The following MAPDA variants were observed in gnomAD, a reference collection of about 807,000 sequenced individuals.
MAPDA encodes the protein N6,N6-dimethyl-AMP deaminase.
the MAPDA span, chr15:43,340,189 G>A: frequency 4.0e-6 from 5 of 1,252,862 alleles, no homozygotes; most frequent in South Asian, 1.3e-5. Context: ...ATAAAATAAA[G>A]CTGTAGCACT....
At chr15:43,346,099 G>C in the MAPDA span, 3 of 1,364,900 alleles carry the variant, frequency 2.2e-6, no homozygotes, top group Non-Finnish European at 3.0e-6. Flanking sequence ...TCCATTCTGT[G>C]GATGAAGGCC....
chr15:43,352,952 T>G, the MAPDA span: 1 of 152,088 alleles, frequency 6.6e-6, no homozygotes, highest in East Asian at 1.9e-4. Context: ...AGCTCTCTTT[T>G]TTTTTTTTTT....
At chr15:43,345,467 G>A in the MAPDA span, among the ~76,000 whole-genome samples, 1 of 152,068 alleles carries the variant, frequency 6.6e-6, no homozygotes, top group African/African-American at 2.4e-5. Flanking sequence ...CAACAAATAA[G>A]TTACAAGAAA....
chr15:43,345,705 A>G, the MAPDA span: 6 of 897,386 alleles, frequency 6.7e-6, no homozygotes, highest in Non-Finnish European at 8.5e-6. Context: ...TGACAAAGTA[A>G]AATGTCATGT....
the MAPDA span, chr15:43,352,144 TG>T: frequency 2.2e-6 from 1 of 447,288 alleles, no homozygotes; most frequent in Non-Finnish European, 3.9e-6. Context: ...GCTTACTGGG[TG>T]GGACTTGACT....
the MAPDA span, among the ~76,000 whole-genome samples, chr15:43,333,009 T>A: frequency 2.0e-5 from 3 of 152,210 alleles, no homozygotes; most frequent in African/African-American, 7.2e-5. Context: ...AGTTGCTTTT[T>A]AATTTCCATA....
the MAPDA span, among the ~76,000 whole-genome samples, chr15:43,331,622 G>A: frequency 6.6e-6 from 1 of 152,156 alleles, no homozygotes; most frequent in Non-Finnish European, 1.5e-5. Flanking sequence ...GGAACAAAAT[G>A]AAATAAGAAA....
At chr15:43,346,186 GA>G in the MAPDA span, among the ~76,000 whole-genome samples, 1 of 150,170 alleles carries the variant, frequency 6.7e-6, no homozygotes. Context: ...TACCCTAAAA[GA>G]AAAAAAAAGA....
At chr15:43,332,187 C>T in the MAPDA span, 2 of 152,152 alleles carry the variant, frequency 1.3e-5, no homozygotes, top group African/African-American at 2.4e-5. Flanking sequence ...TCTGTTTTCT[C>T]TGTAAAGTTG....
the MAPDA span, chr15:43,349,272 C>A: frequency 8.0e-7 from 1 of 1,255,220 alleles, no homozygotes; most frequent in Non-Finnish European, 1.0e-6. Flanking sequence ...TTCGTTGTTA[C>A]ATTCTCCAAT....
the MAPDA span, chr15:43,345,917 C>T: frequency 6.2e-6 from 10 of 1,614,004 alleles, no homozygotes; most frequent in Admixed American, 5.0e-5. Context: ...TAAAACTTGC[C>T]GAGGAGTTCT....
the MAPDA span, among the ~76,000 whole-genome samples, chr15:43,345,220 G>C: frequency 6.6e-6 from 1 of 152,036 alleles, no homozygotes; most frequent in African/African-American, 2.4e-5. Flanking sequence ...CGGGCGTGGT[G>C]GCACGTGCCT....
the MAPDA span, chr15:43,351,805 G>A: frequency 6.4e-7 from 1 of 1,551,610 alleles, no homozygotes; most frequent in South Asian, 1.2e-5. Flanking sequence ...CCAGCTGGCA[G>A]CTGAAACATT....
the MAPDA span, chr15:43,354,560 TTTTAA>T: frequency 2.6e-5 from 4 of 152,192 alleles, no homozygotes; most frequent in African/African-American, 9.7e-5. Context: ...AAGTGTATGA[TTTTAA>T]TTTATTAGCC....
the MAPDA span, chr15:43,353,655 G>A: frequency 6.6e-6 from 1 of 152,196 alleles, no homozygotes; most frequent in African/African-American, 2.4e-5. Context: ...AAGGGCTGAA[G>A]GTTAAGTTGA....
the MAPDA span, among the ~76,000 whole-genome samples, chr15:43,339,417 A>G: frequency 6.6e-6 from 1 of 152,194 alleles, no homozygotes; most frequent in East Asian, 1.9e-4. Context: ...TTGGATTGCT[A>G]TGAATTCACC....
chr15:43,346,003 A>G, the MAPDA span: 6 of 1,612,734 alleles, frequency 3.7e-6, no homozygotes, highest in East Asian at 6.7e-5. Flanking sequence ...TCCTACGTAC[A>G]TTTTAATTCT....
the MAPDA span, among the ~76,000 whole-genome samples, chr15:43,337,233 G>T: frequency 7.0e-6 from 1 of 143,440 alleles, no homozygotes; most frequent in Non-Finnish European, 1.5e-5. Flanking sequence ...CCGAGATCGC[G>T]CCACCGCACT....
the MAPDA span, among the ~76,000 whole-genome samples, chr15:43,341,873 T>G: frequency 1.3e-5 from 2 of 152,122 alleles, no homozygotes; most frequent in East Asian, 3.9e-4. Flanking sequence ...GGAGTCTTGC[T>G]CGTCACCCAG....
Sources: allele counts gnomAD v4.1 joint callset (sites outside exome capture counted in the v4.1 genomes callset), GRCh38; gene constraint gnomAD v4.1.1; transcripts MANE v1.5; gene names NCBI Gene and HGNC (gene_info 2026-07-23, HGNC 2026-07-21).